The following NCKAP1 variants were observed in gnomAD, a reference collection of about 807,000 sequenced individuals.
NCKAP1 encodes the protein nck-associated protein 1.
In NCKAP1, 21 loss-of-function variants were observed where a neutral mutation model predicts 151.2. The ratio of observed to expected loss-of-function variants is 0.14; its 90% CI spans 0.10 to 0.20. NCKAP1 has a LOEUF of 0.20. NCKAP1 is among the 10% of genes least tolerant of loss of function. The probability of loss-of-function intolerance (pLI) is 1.00; values close to 1 mark genes in which losing one functional copy is unlikely to be tolerated. For missense variants in NCKAP1, 933 were observed against 1,352.1 expected, an observed-to-expected ratio of 0.69 and a Z score of 4.86; for synonymous variants, 484 against 451.8, an observed-to-expected ratio of 1.07 and a Z score of -0.90.
intron 1 of NCKAP1, among the ~76,000 whole-genome samples, chr2:183,031,676 C>T (rs1292817617): frequency 1.3e-5 from 2 of 152,202 alleles, no homozygotes; most frequent in Admixed American, 6.5e-5. Context: ...ACGCTTGCTA[C>T]AAGGCACTGT....
At chr2:182,999,670 T>C (rs1274785779) in intron 6 of NCKAP1, among the ~76,000 whole-genome samples, 2 of 152,010 alleles carry the variant, frequency 1.3e-5, no homozygotes, top group East Asian at 3.9e-4. Flanking sequence ...CAAAGGAAAA[T>C]AAACTGTTCT....
At chr2:182,956,737 T>G (rs1437199175) in intron 19 of NCKAP1, 144 bp from the exon 20 acceptor site, 2 of 795,186 alleles carry the variant, frequency 2.5e-6, no homozygotes, top group Non-Finnish European at 3.7e-6. Context: ...AAGTTCAAAA[T>G]CTTTAAGGTT....
At chr2:182,957,917 T>C (rs1697358572) in intron 18 of NCKAP1, among the ~76,000 whole-genome samples, 1 of 152,138 alleles carries the variant, frequency 6.6e-6, no homozygotes, top group African/African-American at 2.4e-5. Flanking sequence ...AAAAAGAATA[T>C]TTCACTGGAA....
At chr2:183,006,260 G>A (rs1698470417) in intron 2 of NCKAP1, among the ~76,000 whole-genome samples, 1 of 152,098 alleles carries the variant, frequency 6.6e-6, no homozygotes, top group South Asian at 2.1e-4. Flanking sequence ...CCTCCTCATC[G>A]AAATGGAAGC....
chr2:182,953,542 T>A (rs1218154211), intron 20 of NCKAP1, among the ~76,000 whole-genome samples: 1 of 152,202 alleles, frequency 6.6e-6, no homozygotes, highest in Non-Finnish European at 1.5e-5. Flanking sequence ...TCACGCCTAT[T>A]GTAATCCCAG....
chr2:183,017,428 T>C (rs1698714045), intron 2 of NCKAP1, among the ~76,000 whole-genome samples: 1 of 152,098 alleles, frequency 6.6e-6, no homozygotes. Flanking sequence ...TAGATTCTCC[T>C]CAAGAGCTCG....
chr2:182,927,885 G>A (rs555407933), intron 29 of NCKAP1, among the ~76,000 whole-genome samples: 3 of 151,948 alleles, frequency 2.0e-5, no homozygotes, highest in Admixed American at 6.6e-5. Flanking sequence ...ACGGCTCCTC[G>A]ATTTTAATGC....
chr2:183,001,489 TCAAA>T (rs1406137860), intron 6 of NCKAP1, among the ~76,000 whole-genome samples: 1 of 152,212 alleles, frequency 6.6e-6, no homozygotes, highest in African/African-American at 2.4e-5. Flanking sequence ...TTAAAATTTA[TCAAA>T]CACTGTACTT....
At chr2:182,961,258 T>C (rs920467902) in intron 18 of NCKAP1, among the ~76,000 whole-genome samples, 4 of 152,190 alleles carry the variant, frequency 2.6e-5, no homozygotes, top group South Asian at 4.1e-4. Context: ...TTATAAAACA[T>C]GCTGCTATAA....
intron 2 of NCKAP1, among the ~76,000 whole-genome samples, chr2:183,008,090 T>A (rs1314167750): frequency 6.6e-6 from 1 of 151,922 alleles, no homozygotes; most frequent in Non-Finnish European, 1.5e-5. Flanking sequence ...GCACACCCAG[T>A]TAATTTTATA....
intron 6 of NCKAP1, among the ~76,000 whole-genome samples, chr2:182,998,806 C>G (rs1346123929): frequency 7.1e-6 from 1 of 141,268 alleles, no homozygotes; most frequent in Non-Finnish European, 1.5e-5. Context: ...CACTGCACTC[C>G]AGCCTGGGTG....
chr2:182,973,145 AC>A, intron 15 of NCKAP1, among the ~76,000 whole-genome samples: 1 of 152,206 alleles, frequency 6.6e-6, no homozygotes, highest in South Asian at 2.1e-4. Context: ...TATCACATGT[AC>A]CCCCATAAAT....
intron 2 of NCKAP1, among the ~76,000 whole-genome samples, chr2:183,016,526 G>A (rs913801835): frequency 9.2e-5 from 14 of 152,040 alleles, no homozygotes; most frequent in Admixed American, 5.2e-4. Context: ...TTAATTGGTC[G>A]GGACCAAATA....
intron 23 of NCKAP1, among the ~76,000 whole-genome samples, chr2:182,949,051 T>C (rs1054203368): frequency 6.6e-6 from 1 of 152,216 alleles, no homozygotes; most frequent in African/African-American, 2.4e-5. Flanking sequence ...GAAGCAGTTT[T>C]TAAATACGTG....
chr2:183,029,425 A>G (rs1698962386), intron 1 of NCKAP1, among the ~76,000 whole-genome samples: 1 of 152,004 alleles, frequency 6.6e-6, no homozygotes, highest in African/African-American at 2.4e-5. Context: ...TTACATGGTT[A>G]ATGTTACTAT....
chr2:182,988,789 T>C (rs929410242), intron 9 of NCKAP1, among the ~76,000 whole-genome samples: 4 of 152,204 alleles, frequency 2.6e-5, no homozygotes, highest in Admixed American at 1.3e-4. Flanking sequence ...TTCTCCTATA[T>C]TACATGTTTT....
chr2:182,935,382 T>C lies in NCKAP1; in HGVS notation c.2696-7A>G. The C allele has an allele frequency of 6.6e-7, 1 of 1,519,436 alleles. No homozygotes were observed. Among genetic ancestry groups the C allele is most frequent in the East Asian group, 2.4e-5 (1 of 41,130 alleles). 94.1% of individuals were successfully genotyped at this position (1,519,436 alleles called of 1,614,324 possible). ...TTCAAGACACTGTCAACAGCTAAATTCAAAGAAACAGAAGGAGAAGAGAAT... is the reference window on the plus strand; with the variant it reads ...TTCAAGACACTGTCAACAGCTAAATCCAAAGAAACAGAAGGAGAAGAGAAT... On this transcript the variant is annotated splice_region_variant and splice_polypyrimidine_tract_variant and intron_variant, in intron 24 of 30. Coordinates refer to ENST00000361354, the MANE Select transcript of NCKAP1 (RefSeq NM_013436.5).
chr2:182,955,155 T>A (rs891031380), intron 20 of NCKAP1, among the ~76,000 whole-genome samples: 1 of 152,212 alleles, frequency 6.6e-6, no homozygotes, highest in South Asian at 2.1e-4. Context: ...AACACTCAAC[T>A]TAGTGCCACT....
chr2:182,930,542 C>T (rs1009438932), intron 27 of NCKAP1, among the ~76,000 whole-genome samples, 153 bp downstream of exon 27: 4 of 151,980 alleles, frequency 2.6e-5, no homozygotes, highest in African/African-American at 9.7e-5. Context: ...GTTTTATGCA[C>T]TGATATAGTC....
Sources: allele counts gnomAD v4.1 joint callset (sites outside exome capture counted in the v4.1 genomes callset), GRCh38; gene constraint gnomAD v4.1.1; transcripts MANE v1.5; gene names NCBI Gene and HGNC (gene_info 2026-07-23, HGNC 2026-07-21).